Variants in SLIT3 observed in about 807,000 individuals in gnomAD.
SLIT3 encodes slit guidance ligand 3.
A neutral mutation model predicts 184.0 loss-of-function variants in SLIT3; 68 were observed. That is an observed-to-expected ratio of 0.37 (90% CI 0.30 to 0.45). SLIT3 has a LOEUF of 0.45. SLIT3 is among the 20% of genes least tolerant of loss of function. The pLI, the probability that SLIT3 is intolerant of heterozygous loss-of-function variation, is 1.00. For missense variants in SLIT3, 1,707 were observed against 2,026.0 expected (o/e 0.84, Z 3.02); for synonymous variants, 831 against 828.6 (o/e 1.00, Z -0.05).
intron 1 of SLIT3, among the ~76,000 whole-genome samples, chr5:169,287,810 G>A (rs1006082504): frequency 1.3e-5 from 2 of 152,108 alleles, no homozygotes; most frequent in Non-Finnish European, 1.5e-5. Context: ...CATTCCAAAG[G>A]ACCTGGTGAA....
At position 169,205,004 on chromosome 5, in the gene SLIT3, C is replaced by A. The variant is rs751736954; in HGVS notation, c.342-11454G>T. Among the ~76,000 whole-genome samples the A allele has an allele frequency of 2.6e-5, 4 of 151,994 alleles. No individual in the cohort carries two copies. In the South Asian group the frequency reaches 6.2e-4, roughly 24 times the overall value. On this transcript the variant is annotated intron_variant, in intron 3 of 35. Transcript: ENST00000519560. ...AGGCTGAATTCAGCCAAGGTTAGGG[C>A]GTTTCCAGGCAACTATGATGGAGGA...
At chr5:168,918,267 T>C (rs1173175103) in intron 4 of SLIT3, among the ~76,000 whole-genome samples, 2 of 152,186 alleles carry the variant, frequency 1.3e-5, no homozygotes, top group Non-Finnish European at 2.9e-5. Flanking sequence ...TAAAAACGAC[T>C]TGAGAGTCCA....
At chr5:169,213,498 C>T (rs1393205473) in intron 3 of SLIT3, among the ~76,000 whole-genome samples, 1 of 152,164 alleles carries the variant, frequency 6.6e-6, no homozygotes, top group Non-Finnish European at 1.5e-5. Flanking sequence ...AAGAACAAAG[C>T]TGGAGGCATC....
chr5:169,253,349 T>C (rs1765842717), intron 1 of SLIT3, among the ~76,000 whole-genome samples: 1 of 152,168 alleles, frequency 6.6e-6, no homozygotes, highest in Admixed American at 6.5e-5. Context: ...TGAATATTTA[T>C]TATGTCAAAG....
At chr5:168,930,825 C>G (rs912041290) in intron 4 of SLIT3, among the ~76,000 whole-genome samples, 4 of 152,012 alleles carry the variant, frequency 2.6e-5, no homozygotes, top group Non-Finnish European at 5.9e-5. Context: ...CTGATCCACC[C>G]AGGACACTGA....
At chr5:169,269,054 T>C (rs1013283708) in intron 1 of SLIT3, among the ~76,000 whole-genome samples, 1 of 152,206 alleles carries the variant, frequency 6.6e-6, no homozygotes, top group Non-Finnish European at 1.5e-5. Context: ...GGAGTAATGA[T>C]TCTGGAGGAC....
At chr5:169,169,561 T>C (rs1023372416) in intron 4 of SLIT3, among the ~76,000 whole-genome samples, 1 of 151,922 alleles carries the variant, frequency 6.6e-6, no homozygotes, top group Non-Finnish European at 1.5e-5. Flanking sequence ...CTGGGGAGAA[T>C]GGTAGAAGTT....
intron 4 of SLIT3, among the ~76,000 whole-genome samples, chr5:169,099,059 GA>G (rs1759905728): frequency 6.6e-6 from 1 of 151,928 alleles, no homozygotes; most frequent in Admixed American, 6.6e-5. Context: ...TGACCTTCCA[GA>G]AATTCCCTTG....
intron 12 of SLIT3, among the ~76,000 whole-genome samples, chr5:168,781,774 G>T (rs1256378106): frequency 6.6e-6 from 1 of 152,164 alleles, no homozygotes; most frequent in Non-Finnish European, 1.5e-5. Context: ...CTGCAGATCT[G>T]CCTGTGACTG....
chr5:168,817,378 A>G lies in SLIT3; in HGVS notation c.715T>C (p.Phe239Leu). ...TGCACAGGAGCCATGCAGAGTGTGA[A>G]CTGGCCAACTGTCCGTCGCTGTCGC... ...WLRQRRTVGQ[F>L]TLCMAPVHLR... Residue 239 changes from phenylalanine to leucine, a missense_variant, in exon 8 of 36, where the codon TTC becomes CTC. Around this residue, in one of 3 missense-constraint regions of SLIT3, gnomAD observed 1,307 missense variants for 1,511.6 expected, o/e 0.86. Coordinates refer to ENST00000519560, the MANE Select transcript of SLIT3 (RefSeq NM_003062.4). 6.2e-7 allele frequency: 1 copy of G among 1,614,238 alleles called. No individual in the cohort carries two copies. The highest frequency in any genetic ancestry group is 8.5e-7 in the Non-Finnish European group (1 of 1,180,048).
At chr5:169,118,631 G>A (rs923253891) in intron 4 of SLIT3, among the ~76,000 whole-genome samples, 1 of 152,210 alleles carries the variant, frequency 6.6e-6, no homozygotes, top group African/African-American at 2.4e-5. Flanking sequence ...GAATTTGTAG[G>A]ATACATAGGT....
Position 169,029,965 on chromosome 5 carries a change from T to C in SLIT3, c.414-146629A>G, listed in dbSNP as rs149687552. Among the ~76,000 whole-genome samples, 417 of 152,344 alleles carry C rather than the reference T, an allele frequency of 2.7e-3. 3 individuals are homozygous for C. Among genetic ancestry groups the C allele is most frequent in the African/African-American group, 9.7e-3 (405 of 41,596 alleles). On this transcript the variant is annotated intron_variant, in intron 4 of 35. Transcript: ENST00000519560. ...ATCCTTTTAACACATTCTCCCCACC[T>C]GAATGCTGTCCTCTGCCTTGTAATC... is the stretch of plus-strand genomic sequence containing the variant.
At chr5:169,194,808 C>T (rs561313232) in intron 3 of SLIT3, among the ~76,000 whole-genome samples, 3 of 152,254 alleles carry the variant, frequency 2.0e-5, no homozygotes, top group South Asian at 4.1e-4. Flanking sequence ...GCTAAACACC[C>T]ACAGAAAGGC....
intron 4 of SLIT3, among the ~76,000 whole-genome samples, chr5:169,062,041 G>A (rs900236149): frequency 4.6e-5 from 7 of 152,108 alleles, no homozygotes; most frequent in Non-Finnish European, 7.4e-5. Context: ...AAAATTAGAC[G>A]GGCGTGGTGG....
At chr5:168,913,873 T>C (rs1471611658) in intron 4 of SLIT3, among the ~76,000 whole-genome samples, 1 of 152,348 alleles carries the variant, frequency 6.6e-6, no homozygotes, top group African/African-American at 2.4e-5. Flanking sequence ...TTCTTATATA[T>C]CTTTCTTAAA....
chr5:169,193,338 A>T, intron 4 of SLIT3, 141 bp downstream of exon 4: 1 of 715,118 alleles, frequency 1.4e-6, no homozygotes, highest in Non-Finnish European at 2.6e-6. Context: ...GGTAGACGTC[A>T]TGTCAAAGCC....
intron 2 of SLIT3, among the ~76,000 whole-genome samples, chr5:169,251,057 TATC>T (rs576253201): frequency 4.3e-4 from 65 of 152,284 alleles, no homozygotes; most frequent in Admixed American, 3.9e-3. Context: ...GAGAAGAAAT[TATC>T]ATCTCTATGA....
chr5:169,278,092 T>C (rs1766876355), intron 1 of SLIT3, among the ~76,000 whole-genome samples: 1 of 152,200 alleles, frequency 6.6e-6, no homozygotes, highest in African/African-American at 2.4e-5. Flanking sequence ...AATATTGTAA[T>C]ATTCCTTTGG....
intron 23 of SLIT3, among the ~76,000 whole-genome samples, chr5:168,715,464 A>G (rs1267157181): frequency 6.6e-6 from 1 of 152,150 alleles, no homozygotes; most frequent in Admixed American, 6.5e-5. Flanking sequence ...GAGGTTGAGC[A>G]TGCAACCTAA....
Sources: allele counts gnomAD v4.1 joint callset (sites outside exome capture counted in the v4.1 genomes callset), GRCh38; gene constraint gnomAD v4.1.1; regional missense constraint gnomAD v4.1.1; transcripts MANE v1.5; gene names NCBI Gene and HGNC (gene_info 2026-07-23, HGNC 2026-07-21).